CDH12: variants seen among roughly 807,000 people sequenced by gnomAD.
CDH12 encodes the protein cadherin-12.
CDH12 carries 41 observed loss-of-function variants against 74.1 expected under a neutral mutation model. The observed-to-expected ratio is 0.55, with a 90% CI of 0.43 to 0.72. CDH12 has a LOEUF of 0.72. Ranked by LOEUF, CDH12 falls within the 30% of genes least tolerant of loss-of-function variation. CDH12 has a pLI of 0.00. For missense variants in CDH12, 945 were observed against 977.2 expected (o/e 0.97, Z 0.44); for synonymous variants, 399 against 355.0 (o/e 1.12, Z -1.39).
chr5:21,907,699 A>G (rs1753701896), intron 6 of CDH12, among the ~76,000 whole-genome samples: 1 of 152,182 alleles, frequency 6.6e-6, no homozygotes, highest in Non-Finnish European at 1.5e-5. Context: ...TAGAAATAGG[A>G]TTCAGGATAA....
chr5:22,497,066 G>A (rs895485198), intron 2 of CDH12, among the ~76,000 whole-genome samples: 1 of 152,090 alleles, frequency 6.6e-6, no homozygotes, highest in Admixed American at 6.6e-5. Flanking sequence ...AATGTTAATA[G>A]TGCCTTTCTC....
intron 6 of CDH12, among the ~76,000 whole-genome samples, chr5:21,881,158 G>A (rs905729363): frequency 1.3e-5 from 2 of 152,108 alleles, no homozygotes; most frequent in African/African-American, 4.8e-5. Flanking sequence ...CTGCTGAAAT[G>A]TAGTATTCTA....
chr5:21,936,143 T>C (rs552782512), intron 6 of CDH12, among the ~76,000 whole-genome samples: 24 of 152,254 alleles, frequency 1.6e-4, no homozygotes, highest in Admixed American at 5.2e-4. Flanking sequence ...GATAGCTCAA[T>C]TTTTGCTTTT....
At chr5:22,201,413 T>C (rs1358315270) in intron 4 of CDH12, among the ~76,000 whole-genome samples, 1 of 152,168 alleles carries the variant, frequency 6.6e-6, no homozygotes, top group African/African-American at 2.4e-5. Context: ...TTACGTGAAA[T>C]AACTCAGAAA....
At chr5:22,533,779 G>A (rs1026350353) in intron 1 of CDH12, among the ~76,000 whole-genome samples, 2 of 152,108 alleles carry the variant, frequency 1.3e-5, no homozygotes, top group Non-Finnish European at 2.9e-5. Context: ...TTTTGAGAAA[G>A]TAAAAACTAA....
intron 1 of CDH12, among the ~76,000 whole-genome samples, chr5:22,523,613 CT>C (rs1453547341): frequency 6.6e-6 from 1 of 152,106 alleles, no homozygotes; most frequent in Non-Finnish European, 1.5e-5. Context: ...CAGGTCAATC[CT>C]TATGGCTCCT....
rs77233887 is a variant in CDH12 at position 22,628,249 on chromosome 5, C to T, written c.-522-122885G>A. On this transcript the variant is annotated intron_variant, in intron 1 of 14. Coordinates refer to ENST00000382254, the MANE Select transcript of CDH12 (RefSeq NM_004061.5). ...CAAACTCGACACTTGACCATATAGA[C>T]CTAACAGACATCTAAAGAACTCTCC... 5.3e-4 allele frequency among the ~76,000 whole-genome samples: 80 copies of T among 152,152 alleles called. No homozygotes were observed. In the East Asian group the frequency reaches 0.014, roughly 28 times the overall value.
At chr5:22,597,128 A>G (rs867115222) in intron 1 of CDH12, among the ~76,000 whole-genome samples, 4 of 152,298 alleles carry the variant, frequency 2.6e-5, no homozygotes, top group Non-Finnish European at 5.9e-5. Context: ...TCAGGTAAAA[A>G]TTCTTTGTCC....
chr5:21,984,007 A>C lies in CDH12; in HGVS notation c.232-8622T>G, dbSNP rs564953837. Reference sequence around the variant, plus strand: ...TGTGTTTGTGTGGTTTCTTTAAATTATCTCTTCCTTCAGGATTACTTTTGT... The same window carrying C: ...TGTGTTTGTGTGGTTTCTTTAAATTCTCTCTTCCTTCAGGATTACTTTTGT... On this transcript the variant is annotated intron_variant, in intron 5 of 14. Transcript: ENST00000382254. 7.9e-4 allele frequency among the ~76,000 whole-genome samples: 121 copies of C among 152,320 alleles called. No individual in the cohort carries two copies. In the South Asian group the frequency reaches 8.7e-3, roughly 11 times the overall value.
intron 5 of CDH12, among the ~76,000 whole-genome samples, chr5:22,072,471 C>A (rs1742007463): frequency 6.6e-6 from 1 of 151,748 alleles, no homozygotes; most frequent in South Asian, 2.1e-4. Flanking sequence ...TTCTTGAATT[C>A]TTCCATCTTT....
intron 5 of CDH12, among the ~76,000 whole-genome samples, chr5:22,039,274 T>C (rs6887180): frequency 0.36 from 55,364 of 151,810 alleles, 13,576 homozygotes; most frequent in African/African-American, 0.7. Context: ...CCTCTTCTTC[T>C]CCAGAGCTGG....
chr5:22,814,470 T>TC lies in CDH12; in HGVS notation c.-523+38587dup, dbSNP rs143900881. ...ATGAATCCTCTGCTTTGAATGGATA[T>TC]CTCTGCTTTGACATTAATAGGACAA... On this transcript the variant is annotated intron_variant, in intron 1 of 14. Transcript: ENST00000382254. Among the ~76,000 whole-genome samples, 490 of 152,292 alleles carry TC rather than the reference T, an allele frequency of 3.2e-3. 3 individuals are homozygous for TC. Among genetic ancestry groups the TC allele is most frequent in the Admixed American group, 6.9e-3 (106 of 15,288 alleles).
intron 5 of CDH12, among the ~76,000 whole-genome samples, chr5:21,984,791 ATTCT>A (rs1399951527): frequency 2.6e-5 from 4 of 152,212 alleles, no homozygotes; most frequent in African/African-American, 9.6e-5. Flanking sequence ...GAAAATCTAT[ATTCT>A]CAAAATCTAG....
At chr5:22,454,306 A>C (rs1437708243) in intron 2 of CDH12, among the ~76,000 whole-genome samples, 1 of 152,178 alleles carries the variant, frequency 6.6e-6, no homozygotes, top group Non-Finnish European at 1.5e-5. Context: ...ATTTTACTGA[A>C]TGTAAGACTA....
intron 3 of CDH12, among the ~76,000 whole-genome samples, chr5:22,303,525 T>C (rs1737981673): frequency 2.0e-5 from 3 of 152,136 alleles, no homozygotes; most frequent in South Asian, 2.1e-4. Context: ...AAAAAAGTGA[T>C]TTGAAATGTA....
Position 21,949,840 on chromosome 5 carries a change from A to G in CDH12, c.526+25251T>C, listed in dbSNP as rs1468945360. ...AAGTTAAAAATAAGTTAAAAAGTTT[A>G]TAAAGTAAAAAAGTTACTGTAGGAT... On this transcript the variant is annotated intron_variant, in intron 6 of 14. Transcript: ENST00000382254. 5.3e-5 allele frequency among the ~76,000 whole-genome samples: 8 copies of G among 152,358 alleles called. No homozygotes were observed. In the East Asian group the frequency reaches 1.5e-3, roughly 29 times the overall value.
At chr5:22,266,105 C>T (rs912559890) in intron 3 of CDH12, among the ~76,000 whole-genome samples, 2 of 150,884 alleles carry the variant, frequency 1.3e-5, no homozygotes, top group Non-Finnish European at 2.9e-5. Flanking sequence ...AGCAGAGTTT[C>T]GCTCTTGTCG....
chr5:22,064,779 T>C (rs969778316), intron 5 of CDH12, among the ~76,000 whole-genome samples: 1 of 152,170 alleles, frequency 6.6e-6, no homozygotes, highest in Non-Finnish European at 1.5e-5. Flanking sequence ...CCAGCTCAAG[T>C]ACCACGTAAG....
chr5:21,934,419 T>A lies in CDH12; in HGVS notation c.526+40672A>T, dbSNP rs114552292. On this transcript the variant is annotated intron_variant, in intron 6 of 14. Transcript: ENST00000382254. ...ATGTATCAACTGAGCACTGCTCAAC[T>A]AAATTATGGTATAGCCATCTGATGG... Among the ~76,000 whole-genome samples, 608 of 152,306 alleles carry A rather than the reference T, an allele frequency of 4.0e-3. 1 individual carries two copies. The highest frequency in any genetic ancestry group is 0.014 in the African/African-American group (575 of 41,564).
Sources: gnomAD v4.1 joint callset for allele counts (sites outside exome capture counted in the v4.1 genomes callset) on GRCh38, gnomAD v4.1.1 for gene constraint, MANE v1.5 for transcripts, NCBI Gene and HGNC (gene_info 2026-07-23, HGNC 2026-07-21) for gene names.